ERMP1: variants seen among roughly 807,000 people sequenced by gnomAD.
ERMP1 encodes the protein Felix-ina.
A neutral mutation model predicts 92.0 loss-of-function variants in ERMP1; 86 were observed. That is an observed-to-expected ratio of 0.93 (90% CI 0.79 to 1.12). The LOEUF is 1.12. Ranked by LOEUF, ERMP1 falls within the 50% of genes most tolerant of loss-of-function variation. The pLI is 0.00. For synonymous variants in ERMP1, 530 were observed against 412.8 expected (o/e 1.28, Z -3.44); for missense variants, 1,342 against 1,116.3 (o/e 1.20, Z -2.88).
chr9:5,835,635 C>T (rs1830087430), upstream of ERMP1, among the ~76,000 whole-genome samples: 1 of 152,242 alleles, frequency 6.6e-6, no homozygotes, highest in Non-Finnish European at 1.5e-5. Context: ...AGCCAGGAGC[C>T]CTGGTAGATG....
chr9:5,848,682 C>A (rs539022160), intron 6 of ERMP1, among the ~76,000 whole-genome samples: 2 of 112,540 alleles, frequency 1.8e-5, no homozygotes, highest in Non-Finnish European at 3.7e-5. Context: ...GTTAAATGAC[C>A]TCTCTCTACC....
chr9:5,866,279 G>C (rs1366788367), intron 5 of ERMP1, among the ~76,000 whole-genome samples: 1 of 152,040 alleles, frequency 6.6e-6, no homozygotes, highest in Non-Finnish European at 1.5e-5. Flanking sequence ...AGGATATATT[G>C]TTTGGATAAT....
chr9:5,805,273 A>AT, intron 9 of ERMP1, 56 bp from the exon 10 acceptor site: 1 of 1,360,002 alleles, frequency 7.4e-7, no homozygotes, highest in South Asian at 1.3e-5. Flanking sequence ...TGAGATATAA[A>AT]TTTTTATAGT....
intron 8 of ERMP1, among the ~76,000 whole-genome samples, chr9:5,806,042 A>G (rs1828858542): frequency 6.6e-6 from 1 of 152,236 alleles, no homozygotes; most frequent in Non-Finnish European, 1.5e-5. Context: ...CTTTTCTTCT[A>G]CTAGGCTAAA....
rs1467549481 is a variant in ERMP1, at chr9:5,813,003, C to G, written c.907G>C (p.Val303Leu). The G allele has an allele frequency of 6.2e-7, 1 of 1,613,874 alleles. No homozygotes were observed. The highest frequency in any genetic ancestry group is 8.5e-7 in the Non-Finnish European group (1 of 1,179,910). Residue 303 changes from valine to leucine, a missense_variant, in exon 5 of 15, where the codon GTT (valine) becomes CTT (leucine). By Grantham distance (32) the Val-to-Leu change is conservative. Coordinates refer to ENST00000339450, the MANE Select transcript of ERMP1 (RefSeq NM_024896.3). ...GCAAAAGGGTGTTTAGCTGCTGAAA[C>G]ATAAGCTTGAACCAACCAAGGATTT... Reference protein sequence around the residue: ...PENPWLVQAYVSAAKHPFASV... With the variant: ...PENPWLVQAYLSAAKHPFASV...
At position 5,823,978 on chromosome 9, in the gene ERMP1, C is replaced by CT; in HGVS notation, c.791dup (p.His265AlafsTer5). On this transcript the variant is annotated frameshift_variant, in exon 4 of 15. Transcript: ENST00000339450. LOFTEE classifies it high-confidence loss of function. ...CACGAATCAAGCTAGCCCAGGGGTG[C>CT]TGAGTAATGAAACCATGACTGGCCT... is the stretch of plus-strand genomic sequence containing the variant. The CT allele has an allele frequency of 2.5e-6, 4 of 1,613,872 alleles. No homozygotes were observed. The highest frequency in any genetic ancestry group is 3.4e-6 in the Non-Finnish European group (4 of 1,179,830).
intron 6 of ERMP1, among the ~76,000 whole-genome samples, chr9:5,858,609 A>C (rs1435078106): frequency 1.3e-5 from 2 of 152,172 alleles, no homozygotes; most frequent in Non-Finnish European, 2.9e-5. Context: ...GGAGCACAAG[A>C]GTCAGAGTGG....
At chr9:5,795,788 GAAAA>G in intron 13 of ERMP1, among the ~76,000 whole-genome samples, 1 of 151,802 alleles carries the variant, frequency 6.6e-6, no homozygotes, top group Non-Finnish European at 1.5e-5. Flanking sequence ...AAAAGAAAAA[GAAAA>G]AGAAAAGAAA....
At chr9:5,830,113 G>A (rs1398981158) in intron 2 of ERMP1, among the ~76,000 whole-genome samples, 1 of 152,200 alleles carries the variant, frequency 6.6e-6, no homozygotes, top group Non-Finnish European at 1.5e-5. Context: ...TCTGCTAGAA[G>A]AGATATCCGC....
chr9:5,798,983 A>G lies in ERMP1; in HGVS notation c.2093T>C (p.Leu698Ser). The change falls in exon 12 of 15, where the codon TTG becomes TCG. Residue 698 changes from leucine (L) to serine (S), a missense_variant. Transcript: ENST00000339450. Reference sequence around the variant, plus strand: ...GTCCCGTTTAACTGCATTTCCTTCCAAGTCATGGAATGTTCTAGTCATATG... The same window carrying G: ...GTCCCGTTTAACTGCATTTCCTTCCGAGTCATGGAATGTTCTAGTCATATG... ...LQHMTRTFHD[L>S]EGNAVKRDSG... 6.2e-7 allele frequency: 1 copy of G among 1,613,836 alleles called. No homozygotes were observed. The highest frequency in any genetic ancestry group is 2.2e-5 in the East Asian group (1 of 44,848).
chr9:5,841,969 G>GC (rs1830169402), intron 6 of ERMP1, among the ~76,000 whole-genome samples: 1 of 152,188 alleles, frequency 6.6e-6, no homozygotes, highest in Non-Finnish European at 1.5e-5. Context: ...ATCCGGAGTT[G>GC]TTTTTTCCTC....
chr9:5,862,108 C>A (rs575954157), intron 5 of ERMP1, among the ~76,000 whole-genome samples: 1 of 152,092 alleles, frequency 6.6e-6, no homozygotes, highest in Non-Finnish European at 1.5e-5. Flanking sequence ...TGGCTCACTG[C>A]GGCCTCTACC....
chr9:5,838,530 C>CA (rs59171582), intron 6 of ERMP1, among the ~76,000 whole-genome samples: 50,188 of 137,972 alleles, frequency 0.36, 9,545 homozygotes, highest in East Asian at 0.75. Flanking sequence ...AACCCTGTAT[C>CA]AAAAAAAAAA....
chr9:5,837,697 C>T (rs1830110942), upstream of ERMP1, among the ~76,000 whole-genome samples: 1 of 152,094 alleles, frequency 6.6e-6, no homozygotes, highest in Admixed American at 6.5e-5. Flanking sequence ...TGCATGCGTG[C>T]ACAAAAATCG....
At chr9:5,857,075 C>T (rs956906004) in intron 6 of ERMP1, among the ~76,000 whole-genome samples, 2 of 152,086 alleles carry the variant, frequency 1.3e-5, no homozygotes, top group African/African-American at 4.8e-5. Flanking sequence ...AGCTGGAGTG[C>T]AGTGGCACAA....
intron 4 of ERMP1, among the ~76,000 whole-genome samples, chr9:5,819,334 G>A (rs548245818): frequency 4.1e-4 from 63 of 152,008 alleles, no homozygotes; most frequent in East Asian, 7.7e-4. Context: ...CTCCGATAAC[G>A]GAGCCAGGGA....
chr9:5,795,201 C>T (rs1206720310), intron 13 of ERMP1, among the ~76,000 whole-genome samples: 1 of 152,136 alleles, frequency 6.6e-6, no homozygotes, highest in African/African-American at 2.4e-5. Flanking sequence ...AAGACCTATT[C>T]ATGATAAAAA....
At chr9:5,847,304 T>C (rs931004104) in intron 6 of ERMP1, among the ~76,000 whole-genome samples, 3 of 152,222 alleles carry the variant, frequency 2.0e-5, no homozygotes, top group Admixed American at 6.5e-5. Flanking sequence ...TTGTCCAGGC[T>C]GTAGTGCAGT....
intron 5 of ERMP1, among the ~76,000 whole-genome samples, chr9:5,865,305 G>T (rs561217357): frequency 2.0e-4 from 31 of 151,556 alleles, no homozygotes; most frequent in African/African-American, 7.0e-4. Context: ...AGGAGATAGA[G>T]ACCATCCTGG....
Sources: allele counts gnomAD v4.1 joint callset (sites outside exome capture counted in the v4.1 genomes callset), GRCh38; gene constraint gnomAD v4.1.1; transcripts MANE v1.5; gene names NCBI Gene and HGNC (gene_info 2026-07-23, HGNC 2026-07-21).